The following MTUS2 variants were observed in gnomAD, a reference collection of about 807,000 sequenced individuals.
MTUS2 encodes the protein microtubule associated scaffold protein 2, also known as microtubule-associated tumor suppressor candidate 2.
In MTUS2, 40 loss-of-function variants were observed where a neutral mutation model predicts 114.1. The observed-to-expected ratio is 0.35, with a 90% CI of 0.27 to 0.46. The LOEUF is 0.46. MTUS2 is among the 20% of genes least tolerant of loss of function. The probability of loss-of-function intolerance (pLI) is 1.00; values close to 1 mark genes in which losing one functional copy is unlikely to be tolerated. For missense variants in MTUS2, 1,679 were observed against 1,705.4 expected, an observed-to-expected ratio of 0.98 and a Z score of 0.27; for synonymous variants, 688 against 672.0, an observed-to-expected ratio of 1.02 and a Z score of -0.37.
intron 8 of MTUS2, among the ~76,000 whole-genome samples, chr13:29,389,798 C>T (rs1244371224): frequency 3.8e-5 from 3 of 78,480 alleles, no homozygotes; most frequent in East Asian, 3.2e-4. Flanking sequence ...TATGTATATA[C>T]ATACATATGT....
At chr13:28,824,939 A>G (rs1163796773) in intron 1 of MTUS2, among the ~76,000 whole-genome samples, 2 of 152,190 alleles carry the variant, frequency 1.3e-5, no homozygotes, top group Non-Finnish European at 2.9e-5. Flanking sequence ...GGAATGCCTC[A>G]CTGAAAGGAG....
chr13:28,829,174 A>G (rs531331982), intron 1 of MTUS2, among the ~76,000 whole-genome samples: 48 of 152,296 alleles, frequency 3.2e-4, no homozygotes, highest in African/African-American at 1.2e-3. Flanking sequence ...GAACTTTGTC[A>G]TTTTTAAACT....
At chr13:28,964,642 T>C (rs1883493102) in intron 2 of MTUS2, among the ~76,000 whole-genome samples, 1 of 151,442 alleles carries the variant, frequency 6.6e-6, no homozygotes, top group African/African-American at 2.4e-5. Flanking sequence ...TGCTGCTTTT[T>C]GGGCATTGCT....
In MTUS2 at chr13:28,925,837, C is replaced by T. The variant is rs116947756; in HGVS notation, c.-243+85987C>T. Among the ~76,000 whole-genome samples the T allele has an allele frequency of 1.2e-4, 19 of 152,266 alleles. No individual in the cohort carries two copies. In the East Asian group the frequency reaches 3.5e-3, roughly 28 times the overall value. The stretch of plus-strand genomic sequence containing the variant: ...ATGGCAAACACATAATAGCTGTTAG[C>T]GTTTCTTGTGGTGGATGGTTGCTCT... On this transcript the variant is annotated intron_variant, in intron 2 of 15. Coordinates refer to ENST00000612955, the MANE Select transcript of MTUS2 (RefSeq NM_001033602.4).
chr13:29,022,577 C>G (rs1383838326), intron 2 of MTUS2, among the ~76,000 whole-genome samples: 3 of 152,194 alleles, frequency 2.0e-5, no homozygotes. Flanking sequence ...TAACCTGTTT[C>G]AGGAGAAACA....
chr13:29,255,431 C>T (rs1392173119), intron 5 of MTUS2, among the ~76,000 whole-genome samples: 1 of 152,156 alleles, frequency 6.6e-6, no homozygotes, highest in Non-Finnish European at 1.5e-5. Context: ...AAAGAACTCA[C>T]CCATATTAAA....
intron 2 of MTUS2, among the ~76,000 whole-genome samples, chr13:28,905,614 A>G (rs1246128424): frequency 1.3e-5 from 2 of 151,552 alleles, no homozygotes; most frequent in East Asian, 1.9e-4. Flanking sequence ...CCACTTGATC[A>G]TGGTGGATAA....
chr13:28,846,080 C>T (rs2138008995), intron 2 of MTUS2, among the ~76,000 whole-genome samples: 2 of 146,544 alleles, frequency 1.4e-5, no homozygotes, highest in Admixed American at 1.4e-4. Context: ...ATATATTCCT[C>T]CTTCAGAATA....
At chr13:29,071,128 C>T (rs1336768483) in intron 4 of MTUS2, among the ~76,000 whole-genome samples, 1 of 151,678 alleles carries the variant, frequency 6.6e-6, no homozygotes, top group Non-Finnish European at 1.5e-5. Context: ...CCTCAGCCTC[C>T]TGAGTAGCTG....
chr13:29,025,067 C>T lies in MTUS2; in HGVS notation c.369C>T (p.Thr123=), dbSNP rs756862481. Residue 123 remains threonine, a synonymous_variant, in exon 3 of 16, where the codon ACC becomes ACT. Transcript: ENST00000612955. Reference sequence around the variant, plus strand: ...AGAGAGGCACAGATAGCCTGCAGACCACGCGGAGTATTCAGGGACCAAGTC... The same window carrying T: ...AGAGAGGCACAGATAGCCTGCAGACTACGCGGAGTATTCAGGGACCAAGTC... ...TVERGTDSLQ[T]TRSIQGPSLS... 7 of 1,613,932 alleles carry T rather than the reference C, an allele frequency of 4.3e-6. No individual in the cohort carries two copies. The Admixed American group carries it at 1.0e-4, about 23-fold the overall frequency.
chr13:29,342,166 GT>G (rs1901434466), intron 7 of MTUS2, among the ~76,000 whole-genome samples: 1 of 151,914 alleles, frequency 6.6e-6, no homozygotes, highest in South Asian at 2.1e-4. Context: ...TTTTAGAATT[GT>G]TTTTTTCTAG....
At chr13:29,167,726 C>G (rs983874273) in intron 5 of MTUS2, among the ~76,000 whole-genome samples, 27 of 152,056 alleles carry the variant, frequency 1.8e-4, no homozygotes, top group African/African-American at 6.3e-4. Flanking sequence ...CTTTGAGCAT[C>G]AACATGATGC....
intron 9 of MTUS2, 123 bp downstream of exon 9, chr13:29,440,172 T>C: frequency 1.1e-6 from 1 of 883,144 alleles, no homozygotes; most frequent in Non-Finnish European, 1.8e-6. Flanking sequence ...ATGAATGAAG[T>C]ATCTCACCCA....
intron 2 of MTUS2, among the ~76,000 whole-genome samples, chr13:28,915,078 A>T (rs1385203157): frequency 6.6e-6 from 1 of 151,974 alleles, no homozygotes; most frequent in Admixed American, 6.6e-5. Flanking sequence ...TGGGGCATTT[A>T]GTCCATTTGC....
At chr13:29,092,204 T>C (rs887301144) in intron 4 of MTUS2, among the ~76,000 whole-genome samples, 20 of 152,178 alleles carry the variant, frequency 1.3e-4, no homozygotes, top group African/African-American at 4.8e-4. Flanking sequence ...ACTGAGAACC[T>C]CTCTTTCTGT....
At chr13:29,269,551 A>C (rs979319030) in intron 5 of MTUS2, among the ~76,000 whole-genome samples, 1 of 152,240 alleles carries the variant, frequency 6.6e-6, no homozygotes, top group African/African-American at 2.4e-5. Flanking sequence ...TTAAAAGGAC[A>C]AAAGATAACA....
At chr13:29,388,857 C>T (rs1872814806) in intron 8 of MTUS2, among the ~76,000 whole-genome samples, 1 of 151,720 alleles carries the variant, frequency 6.6e-6, no homozygotes, top group Non-Finnish European at 1.5e-5. Flanking sequence ...TTTGATGGGC[C>T]CATTCTCAAC....
At chr13:29,192,965 G>A (rs1000280518) in intron 5 of MTUS2, among the ~76,000 whole-genome samples, 2 of 152,128 alleles carry the variant, frequency 1.3e-5, no homozygotes, top group Non-Finnish European at 2.9e-5. Context: ...CTAGAGGGTT[G>A]GTGGGGGTTA....
At chr13:29,403,411 G>C (rs2138506795) in intron 8 of MTUS2, among the ~76,000 whole-genome samples, 1 of 152,312 alleles carries the variant, frequency 6.6e-6, no homozygotes, top group Middle Eastern at 3.4e-3. Flanking sequence ...GGAATACTCT[G>C]TGATGGCAAA....
Sources: gnomAD v4.1 joint callset for allele counts (sites outside exome capture counted in the v4.1 genomes callset) on GRCh38, gnomAD v4.1.1 for gene constraint, MANE v1.5 for transcripts, NCBI Gene and HGNC (gene_info 2026-07-23, HGNC 2026-07-21) for gene names.